THSD4: variants seen among roughly 807,000 people sequenced by gnomAD.
THSD4 encodes the protein thrombospondin type-1 domain-containing protein 4.
In THSD4, 69 loss-of-function variants were observed where a neutral mutation model predicts 119.0. The observed-to-expected ratio is 0.58, with a 90% CI of 0.48 to 0.71. The LOEUF (loss-of-function observed/expected upper bound fraction) is 0.71. Ranked by LOEUF, THSD4 falls within the 30% of genes least tolerant of loss-of-function variation. The pLI is 0.00. For missense variants in THSD4, 1,393 were observed against 1,391.1 expected (o/e 1.00, Z -0.02); for synonymous variants, 524 against 540.4 (o/e 0.97, Z 0.42).
chr15:71,476,495 G>A (rs998506252), intron 7 of THSD4, among the ~76,000 whole-genome samples: 1 of 152,094 alleles, frequency 6.6e-6, no homozygotes, highest in Non-Finnish European at 1.5e-5. Flanking sequence ...ACCCACCTCG[G>A]CCTCCCAAAG....
At chr15:71,548,820 G>A (rs1450423660) in intron 7 of THSD4, among the ~76,000 whole-genome samples, 1 of 152,186 alleles carries the variant, frequency 6.6e-6, no homozygotes, top group Non-Finnish European at 1.5e-5. Context: ...ATTTAAGCAG[G>A]CGAGAGGAGA....
At chr15:71,447,007 A>G (rs2047191539) in intron 7 of THSD4, among the ~76,000 whole-genome samples, 1 of 151,994 alleles carries the variant, frequency 6.6e-6, no homozygotes, top group African/African-American at 2.4e-5. Flanking sequence ...CGGGGGAGAC[A>G]AGGACACAGG....
intron 1 of THSD4, among the ~76,000 whole-genome samples, chr15:71,102,614 G>C (rs527433127): frequency 2.0e-5 from 3 of 152,130 alleles, no homozygotes; most frequent in African/African-American, 7.2e-5. Flanking sequence ...GCCCAGGCTG[G>C]AGTACAATGG....
intron 6 of THSD4, among the ~76,000 whole-genome samples, chr15:71,313,276 CTG>C (rs148734653): frequency 0.17 from 25,384 of 152,046 alleles, 2,136 homozygotes; most frequent in South Asian, 0.28. Flanking sequence ...CCCCGTCATT[CTG>C]TGTGTGTACA....
chr15:71,366,809 T>C (rs907845723), intron 6 of THSD4, among the ~76,000 whole-genome samples: 1 of 152,190 alleles, frequency 6.6e-6, no homozygotes, highest in Non-Finnish European at 1.5e-5. Context: ...CTTTTAGATT[T>C]CCAGGTGGGA....
chr15:71,720,280 G>C (rs923044279), intron 8 of THSD4, among the ~76,000 whole-genome samples: 1 of 150,442 alleles, frequency 6.6e-6, no homozygotes, highest in African/African-American at 2.4e-5. Context: ...TGAACTCCTG[G>C]GCTAAAAGGA....
rs141532314 is a variant in THSD4, at chr15:71,428,575, C to T, written c.1152+16752C>T. The stretch of plus-strand genomic sequence containing the variant: ...TTGGACATCTCATTTAAATTCCTGG[C>T]AAAATTCAGGTCAAACCAAGTAGTT... On this transcript the variant is annotated intron_variant, in intron 7 of 17. Transcript: ENST00000261862. Among the ~76,000 whole-genome samples the T allele has an allele frequency of 4.6e-5, 7 of 152,188 alleles. No individual in the cohort carries two copies. The East Asian group carries it at 1.2e-3, about 25-fold the overall frequency.
In THSD4 at chr15:71,721,494, G is replaced by A. The variant is rs530504198; in HGVS notation, c.1358-7055G>A. ...CTGCACTCCAGCCTAGTGACAGAGCGAGATTCTGTCTTAAAAAAAAAAAAA... is the reference window on the plus strand; with the variant it reads ...CTGCACTCCAGCCTAGTGACAGAGCAAGATTCTGTCTTAAAAAAAAAAAAA... On this transcript the variant is annotated intron_variant, in intron 8 of 17. Coordinates refer to ENST00000261862, the MANE Select transcript of THSD4 (RefSeq NM_024817.3). Among the ~76,000 whole-genome samples, 11 of 123,254 alleles carry A rather than the reference G, an allele frequency of 8.9e-5. No homozygotes were observed. The South Asian group carries it at 3.1e-3, about 35-fold the overall frequency. The allele number at this position is 123,254 out of a possible 152,430, so 80.9% of individuals were successfully genotyped here. A position where few individuals can be genotyped will look rare whatever the true frequency, so the allele number is the denominator to read the frequency against.
intron 6 of THSD4, among the ~76,000 whole-genome samples, chr15:71,319,225 A>G (rs1366270034): frequency 6.6e-6 from 1 of 152,214 alleles, no homozygotes; most frequent in East Asian, 1.9e-4. Flanking sequence ...CACAATGTTG[A>G]CATCAAGGAT....
intron 7 of THSD4, among the ~76,000 whole-genome samples, chr15:71,438,243 T>C (rs1382762674): frequency 6.6e-6 from 1 of 152,244 alleles, no homozygotes; most frequent in East Asian, 1.9e-4. Flanking sequence ...TCTTAACTTG[T>C]AGGAGCTTTT....
In THSD4 at chr15:71,681,704, C is replaced by T. The variant is rs536274165; in HGVS notation, c.1357+20970C>T. 8.0e-5 allele frequency among the ~76,000 whole-genome samples: 12 copies of T among 150,654 alleles called. No individual in the cohort carries two copies. In the East Asian group the frequency reaches 1.6e-3, roughly 20 times the overall value. On this transcript the variant is annotated intron_variant, in intron 8 of 17. Coordinates refer to ENST00000261862, the MANE Select transcript of THSD4 (RefSeq NM_024817.3). ...AAAAAAAAAAAAAAGTTTTACATGG[C>T]ACATGCCTTTATAACTAACTGATAG... is the stretch of plus-strand genomic sequence containing the variant.
At chr15:71,768,934 G>T (rs2053764588) in intron 16 of THSD4, among the ~76,000 whole-genome samples, 1 of 144,628 alleles carries the variant, frequency 6.9e-6, no homozygotes, top group Non-Finnish European at 1.5e-5. Flanking sequence ...TGGCTGCCCG[G>T]CCAGCCGCCC....
At position 71,124,388 on chromosome 15, in the gene THSD4, G is replaced by T. The variant is rs144164768; in HGVS notation, c.-80+8690G>T. On this transcript the variant is annotated intron_variant, in intron 1 of 17. Transcript: ENST00000261862. ...TCATTTGAAAATGTGGCAAAAACAG[G>T]CAGAGGGTCAGGTTTAACCTGTGGG... Among the ~76,000 whole-genome samples, 386 of 152,278 alleles carry T rather than the reference G, an allele frequency of 2.5e-3. 11 individuals carry two copies. In the East Asian group the frequency reaches 0.064, roughly 25 times the overall value.
chr15:71,568,169 T>C (rs1399497249), intron 7 of THSD4, among the ~76,000 whole-genome samples: 1 of 152,096 alleles, frequency 6.6e-6, no homozygotes, highest in African/African-American at 2.4e-5. Context: ...ACCTCAGAAA[T>C]ATTTTTTTTA....
intron 8 of THSD4, among the ~76,000 whole-genome samples, chr15:71,677,969 A>T (rs1438552479): frequency 6.6e-6 from 1 of 152,204 alleles, no homozygotes; most frequent in Non-Finnish European, 1.5e-5. Context: ...TGCATGAGGA[A>T]TAACATTGTC....
chr15:71,572,478 C>T (rs1010452333), intron 7 of THSD4, among the ~76,000 whole-genome samples: 1 of 152,136 alleles, frequency 6.6e-6, no homozygotes, highest in African/African-American at 2.4e-5. Flanking sequence ...AACTGCACTG[C>T]ATGCTGGAAA....
At chr15:71,735,932 G>A (rs546475583) in intron 10 of THSD4, among the ~76,000 whole-genome samples, 11 of 118,198 alleles carry the variant, frequency 9.3e-5, no homozygotes, top group African/African-American at 2.7e-4. Flanking sequence ...CTCACTTTCT[G>A]TCTCTATCTC....
intron 6 of THSD4, among the ~76,000 whole-genome samples, chr15:71,299,735 A>G (rs1249783774): frequency 6.6e-6 from 1 of 152,164 alleles, no homozygotes; most frequent in African/African-American, 2.4e-5. Context: ...GGTGATGGGT[A>G]TGTTAATTTG....
intron 7 of THSD4, among the ~76,000 whole-genome samples, chr15:71,444,401 G>A (rs570859515): frequency 6.6e-6 from 1 of 152,306 alleles, no homozygotes; most frequent in South Asian, 2.1e-4. Context: ...ACAGCCACTG[G>A]TGTCATTGTT....
Sources: gnomAD v4.1 joint callset for allele counts (sites outside exome capture counted in the v4.1 genomes callset) on GRCh38, gnomAD v4.1.1 for gene constraint, MANE v1.5 for transcripts, NCBI Gene and HGNC (gene_info 2026-07-23, HGNC 2026-07-21) for gene names.